POC1B: variants seen among roughly 807,000 people sequenced by gnomAD.
POC1B encodes POC1 centriolar protein homolog B.
Under a neutral mutation model 60.6 loss-of-function variants are expected in POC1B, and 44 were observed. The ratio of observed to expected loss-of-function variants is 0.73; its 90% CI spans 0.57 to 0.93. The LOEUF is 0.93. POC1B is among the 40% of genes least tolerant of loss of function. The pLI is 0.00. For synonymous variants in POC1B, 180 were observed against 198.9 expected, an observed-to-expected ratio of 0.90 and a Z score of 0.80; for missense variants, 555 against 572.3, an observed-to-expected ratio of 0.97 and a Z score of 0.31.
At chr12:89,486,670 C>G (rs151307106) in intron 4 of POC1B, among the ~76,000 whole-genome samples, 4 of 152,194 alleles carry the variant, frequency 2.6e-5, no homozygotes, top group African/African-American at 9.6e-5. Flanking sequence ...AATCTGTGGT[C>G]TGAGAGACCA....
In POC1B at chr12:89,497,204, C is replaced by T. The variant is rs780595461; in HGVS notation, c.239G>A (p.Arg80Gln). The change falls in exon 3 of 12, where the codon CGA (arginine) becomes CAA (glutamine). Residue 80 changes from arginine (R) to glutamine (Q), a missense_variant. Coordinates refer to ENST00000313546, the MANE Select transcript of POC1B (RefSeq NM_172240.3). ...AATCCAGAGTCTCACGGTTCTGTCT[C>T]GTGAGGCAGACGCCAATAAGTTTCC... Reference protein sequence around the residue: ...PHGNLLASASRDRTVRLWIPD... With the variant: ...PHGNLLASASQDRTVRLWIPD... 39 of 1,613,804 alleles carry T rather than the reference C, an allele frequency of 2.4e-5. No individual in the cohort carries two copies. The highest frequency in any genetic ancestry group is 1.7e-4 in the Middle Eastern group (1 of 5,914).
the POC1B span, among the ~76,000 whole-genome samples, chr12:89,408,901 T>C: frequency 6.6e-6 from 1 of 152,234 alleles, no homozygotes; most frequent in African/African-American, 2.4e-5. Flanking sequence ...TTCATATGCT[T>C]GTTGGCTGCA....
chr12:89,407,843 C>G, the POC1B span, among the ~76,000 whole-genome samples: 1 of 152,170 alleles, frequency 6.6e-6, no homozygotes. Flanking sequence ...TTCTGGGATA[C>G]ATGTGCAGAA....
chr12:89,411,941 T>A, the POC1B span, among the ~76,000 whole-genome samples: 1 of 152,228 alleles, frequency 6.6e-6, no homozygotes, highest in Non-Finnish European at 1.5e-5. Flanking sequence ...AAATAAATAG[T>A]ATAGACCTCG....
chr12:89,501,693 G>A, intron 2 of POC1B: 1 of 982,458 alleles, frequency 1.0e-6, no homozygotes, highest in Non-Finnish European at 1.6e-6. Context: ...CGTCTAATTG[G>A]TGGGTGGTAA....
intron 7 of POC1B, among the ~76,000 whole-genome samples, chr12:89,470,052 A>G (rs1882829224): frequency 6.6e-6 from 1 of 151,902 alleles, no homozygotes; most frequent in African/African-American, 2.4e-5. Flanking sequence ...TTTGTATTTT[A>G]GTAGAAATGG....
intron 10 of POC1B, among the ~76,000 whole-genome samples, chr12:89,444,613 A>T (rs574796631): frequency 2.6e-5 from 4 of 152,226 alleles, no homozygotes; most frequent in African/African-American, 4.8e-5. Flanking sequence ...TCTCAAAATA[A>T]TAAGAACTAT....
downstream of POC1B, among the ~76,000 whole-genome samples, chr12:89,417,389 C>T (rs559747529): frequency 6.6e-6 from 1 of 152,086 alleles, no homozygotes; most frequent in South Asian, 2.1e-4. Context: ...CAAATATTTT[C>T]TGTCTTGCTT....
chr12:89,513,374 CTTT>C lies in POC1B; in HGVS notation c.100+11743_100+11745del, dbSNP rs1349280392. Among the ~76,000 whole-genome samples, 5 of 151,942 alleles carry C rather than the reference CTTT, an allele frequency of 3.3e-5. No homozygotes were observed. The East Asian group carries it at 9.7e-4, about 29-fold the overall frequency. The stretch of plus-strand genomic sequence containing the variant: ...TCAAAAAAGGAAAGATTAACTTGTT[CTTT>C]ACCATCATTTGTTGTACAAGCACAC... On this transcript the variant is annotated intron_variant, in intron 2 of 11. Transcript: ENST00000313546.
intron 3 of POC1B, among the ~76,000 whole-genome samples, chr12:89,496,513 C>T (rs1869253020): frequency 6.6e-6 from 1 of 152,134 alleles, no homozygotes; most frequent in Non-Finnish European, 1.5e-5. Context: ...GGGAGTGATG[C>T]TATTCATTCT....
intron 10 of POC1B, among the ~76,000 whole-genome samples, chr12:89,448,124 A>G (rs571308447): frequency 4.3e-4 from 66 of 152,246 alleles, no homozygotes; most frequent in African/African-American, 1.6e-3. Flanking sequence ...GATATTTACC[A>G]GGAAAGCATA....
At chr12:89,524,612 G>A in intron 2 of POC1B, 1 of 1,544,500 alleles carries the variant, frequency 6.5e-7, no homozygotes, top group East Asian at 2.2e-5. Context: ...GAAGGGCGGC[G>A]GAACCCACAG....
At chr12:89,439,014 C>A (rs1030483753) in intron 10 of POC1B, among the ~76,000 whole-genome samples, 6 of 152,192 alleles carry the variant, frequency 3.9e-5, no homozygotes, top group East Asian at 1.9e-4. Context: ...CAGGGATTAT[C>A]TTTGCTAACC....
At chr12:89,494,814 C>T (rs1305436933) in intron 3 of POC1B, among the ~76,000 whole-genome samples, 2 of 152,188 alleles carry the variant, frequency 1.3e-5, no homozygotes, top group Non-Finnish European at 2.9e-5. Context: ...CCACAACCCG[C>T]ACCAAGGCCC....
Position 89,466,873 on chromosome 12 carries a change from G to C in POC1B, c.929C>G (p.Thr310Ser). 1 of 1,612,966 alleles carries C rather than the reference G, an allele frequency of 6.2e-7. No homozygotes were observed. Among genetic ancestry groups the C allele is most frequent in the East Asian group, 2.2e-5 (1 of 44,776 alleles). Residue 310 changes from threonine (T) to serine (S), a missense_variant, in exon 9 of 12, where the codon ACC (threonine) becomes AGC (serine). Transcript: ENST00000313546. ...NFDELHCKGL[T>S]KRNLKRLHFD... ...ATGTAATCTTTTGAGATTTCTTTTGGTAAGACCTTTACAATGCAATTCATC... is the reference window on the plus strand; with the variant it reads ...ATGTAATCTTTTGAGATTTCTTTTGCTAAGACCTTTACAATGCAATTCATC...
rs1882607891 is a variant in POC1B, at chr12:89,464,528, C to G, written c.1032+2242G>C. Among the ~76,000 whole-genome samples, 3 of 110,210 alleles carry G rather than the reference C, an allele frequency of 2.7e-5. No homozygotes were observed. The Admixed American group carries it at 4.1e-4, about 15-fold the overall frequency. The allele number at this position is 110,210 out of a possible 152,430, so 72.3% of individuals were successfully genotyped here. On this transcript the variant is annotated intron_variant, in intron 9 of 11. Coordinates refer to ENST00000313546, the MANE Select transcript of POC1B (RefSeq NM_172240.3). ...TTTGAGACGGAGTCTTGCCCTGTTG[C>G]CCAGGCTGGAGTGCACTGACATGAT...
chr12:89,484,532 T>G (rs1486598984), intron 4 of POC1B, among the ~76,000 whole-genome samples: 1 of 152,218 alleles, frequency 6.6e-6, no homozygotes, highest in African/African-American at 2.4e-5. Context: ...GTGAGGATAG[T>G]TAATAGCTGA....
chr12:89,441,734 C>T (rs1388463811), intron 10 of POC1B, among the ~76,000 whole-genome samples: 1 of 152,202 alleles, frequency 6.6e-6, no homozygotes, highest in Non-Finnish European at 1.5e-5. Context: ...AACGCAGCTC[C>T]TCGCCAGCAA....
At chr12:89,412,538 G>A in the POC1B span, among the ~76,000 whole-genome samples, 1 of 151,538 alleles carries the variant, frequency 6.6e-6, no homozygotes, top group South Asian at 2.1e-4. Context: ...AATTAGCAGG[G>A]CATGGTGGGT....
Sources: gnomAD v4.1 joint callset for allele counts (sites outside exome capture counted in the v4.1 genomes callset) on GRCh38, gnomAD v4.1.1 for gene constraint, MANE v1.5 for transcripts, NCBI Gene and HGNC (gene_info 2026-07-23, HGNC 2026-07-21) for gene names.